TAB3: variants seen among roughly 807,000 people sequenced by gnomAD.
TAB3 encodes the protein TGF-beta activated kinase 1 (MAP3K7) binding protein 3, also known as TGF-beta-activated kinase 1 and MAP3K7-binding protein 3.
In TAB3, 18 loss-of-function variants were observed where a neutral mutation model predicts 48.1. That is an observed-to-expected ratio of 0.37 (90% CI 0.26 to 0.55). TAB3 has a LOEUF of 0.55. Among genes scored for constraint, TAB3 ranks in the 20% least tolerant of loss-of-function variants. The probability of loss-of-function intolerance (pLI) is 0.78; values close to 1 mark genes in which losing one functional copy is unlikely to be tolerated. For synonymous variants in TAB3, 185 were observed against 190.2 expected, an observed-to-expected ratio of 0.97 and a Z score of 0.22; for missense variants, 414 against 549.8, an observed-to-expected ratio of 0.75 and a Z score of 2.47.
Position 30,829,311 on chromosome X carries a change from T to C in TAB3, c.*2116A>G, listed in dbSNP as rs1201111458. The C allele has an allele frequency of 2.7e-5, 3 of 112,455 alleles. No individual in the cohort carries two copies. Among genetic ancestry groups the C allele is most frequent in the Non-Finnish European group, 5.6e-5 (3 of 53,253 alleles). 9.3% of individuals were successfully genotyped at this position (112,455 alleles called of 1,213,427 possible). Reference sequence around the variant, plus strand: ...TCTCAACTGACAACTGCCAAGTTAATTGCCTCCACTTCAGCATATCACTAT... The same window carrying C: ...TCTCAACTGACAACTGCCAAGTTAACTGCCTCCACTTCAGCATATCACTAT... On this transcript the variant is annotated 3_prime_UTR_variant, in exon 11 of 11. Transcript: ENST00000288422.
At chrX:30,841,491 AAAG>A (rs746950718) in intron 9 of TAB3, among the ~76,000 whole-genome samples, 6 of 108,376 alleles carry the variant, frequency 5.5e-5, no homozygotes, top group Admixed American at 2.0e-4. Flanking sequence ...TAAACAATAA[AAAG>A]AAGAACAGAT....
At chrX:30,835,543 C>G (rs1938173652) in intron 9 of TAB3, 1 of 111,678 alleles carries the variant, frequency 9.0e-6, no homozygotes, top group African/African-American at 3.3e-5. Context: ...TCGTGGGACA[C>G]CAAGGTCAGT....
chrX:30,846,225 T>A (rs750212743), intron 8 of TAB3: 12 of 349,281 alleles, frequency 3.4e-5, no homozygotes, highest in Non-Finnish European at 4.8e-5. Flanking sequence ...TAGATGTCTA[T>A]CACATAATAT....
At chrX:30,852,643 G>T in intron 7 of TAB3, 135 bp downstream of exon 7, 1 of 668,427 alleles carries the variant, frequency 1.5e-6, no homozygotes, top group Non-Finnish European at 2.1e-6. Context: ...TTCATCTGTT[G>T]TTTTTAAAAA....
At chrX:30,856,638 T>C (rs1939088425) in intron 5 of TAB3, among the ~76,000 whole-genome samples, 1 of 112,023 alleles carries the variant, frequency 8.9e-6, no homozygotes, top group Non-Finnish European at 1.9e-5. Context: ...GATATTACTA[T>C]ATATTTATTT....
chrX:30,850,032 C>A (rs1289786415), intron 7 of TAB3, among the ~76,000 whole-genome samples: 1 of 111,815 alleles, frequency 8.9e-6, no homozygotes, highest in African/African-American at 3.3e-5. Flanking sequence ...GAGTACTATA[C>A]CACACATTTT....
chrX:30,866,870 T>TAAA (rs77868699), intron 4 of TAB3, among the ~76,000 whole-genome samples: 4,989 of 74,595 alleles, frequency 0.067, 355 homozygotes, highest in East Asian at 0.42. Flanking sequence ...AAGGGGTGTT[T>TAAA]AAAAAAAAAA....
Position 30,842,717 on chromosome X carries a change from T to G in TAB3, c.1888+249A>C, listed in dbSNP as rs761867992. Among the ~76,000 whole-genome samples, 3 of 110,566 alleles carry G rather than the reference T, an allele frequency of 2.7e-5. No individual in the cohort carries two copies. The East Asian group carries it at 8.5e-4, about 31-fold the overall frequency. On this transcript the variant is annotated intron_variant, in intron 9 of 10. Coordinates refer to ENST00000288422, the MANE Select transcript of TAB3 (RefSeq NM_152787.5). ...GCCTACCATGCCACACACCAGCTAC[T>G]TGGGAGGCTGAGGCAGAAAGATCGC...
At position 30,855,396 on chromosome X, in the gene TAB3, G is replaced by A. The variant is rs772881059; in HGVS notation, c.269C>T (p.Ala90Val). 2 of 1,211,066 alleles carry A rather than the reference G, an allele frequency of 1.7e-6. No homozygotes were observed. Among genetic ancestry groups the A allele is most frequent in the Non-Finnish European group, 2.2e-6 (2 of 895,127 alleles). The change falls in exon 6 of 11, where the codon GCC becomes GTC. Residue 90 changes from alanine to valine, a missense_variant. Transcript: ENST00000288422. ...CAGTGTTCGACCACCATTAAGTTGGGCTCCATCTCCTGGGTGATAGCTACT... is the reference window on the plus strand; with the variant it reads ...CAGTGTTCGACCACCATTAAGTTGGACTCCATCTCCTGGGTGATAGCTACT... ...SPSSYHPGDG[A>V]QLNGGRTLVH...
chrX:30,844,519 C>A (rs1938560249), intron 8 of TAB3: 1 of 112,324 alleles, frequency 8.9e-6, no homozygotes, highest in African/African-American at 3.2e-5. Flanking sequence ...TTCTAGATCA[C>A]AAAAGGCTTA....
intron 7 of TAB3, among the ~76,000 whole-genome samples, chrX:30,849,250 A>G (rs1938747181): frequency 8.9e-6 from 1 of 112,335 alleles, no homozygotes; most frequent in Non-Finnish European, 1.9e-5. Flanking sequence ...TGCTTTGCAA[A>G]TAACAGATTA....
At chrX:30,836,178 CAGA>C (rs1358194982) in intron 9 of TAB3, 7 of 111,793 alleles carry the variant, frequency 6.3e-5, no homozygotes, top group East Asian at 2.8e-4. Flanking sequence ...TAAGTTTTAA[CAGA>C]AGAAGATAAA....
chrX:30,868,713 G>A (rs1438168712), intron 2 of TAB3, among the ~76,000 whole-genome samples: 4 of 98,947 alleles, frequency 4.0e-5, no homozygotes, highest in East Asian at 3.2e-4. Flanking sequence ...GAGATTATCC[G>A]CATTCTCAGT....
At chrX:30,868,659 T>G (rs1169281919) in intron 2 of TAB3, among the ~76,000 whole-genome samples, 2 of 86,728 alleles carry the variant, frequency 2.3e-5, no homozygotes, top group African/African-American at 8.5e-5. Context: ...AATTGTAACC[T>G]TATTCACTTA....
chrX:30,857,569 A>T, intron 5 of TAB3, among the ~76,000 whole-genome samples: 1 of 111,345 alleles, frequency 9.0e-6, no homozygotes, highest in Middle Eastern at 4.6e-3. Flanking sequence ...TGTTCTCTAC[A>T]CTGAGTTAGC....
chrX:30,845,879 C>T, intron 8 of TAB3: 1 of 711,377 alleles, frequency 1.4e-6, no homozygotes, highest in Non-Finnish European at 1.8e-6. Context: ...GGGACAGAAT[C>T]AACTCTTGGT....
intron 1 of TAB3, among the ~76,000 whole-genome samples, chrX:30,873,635 C>T (rs967531476): frequency 4.5e-5 from 5 of 111,667 alleles, no homozygotes; most frequent in African/African-American, 1.3e-4. Context: ...CCACCTCTTC[C>T]TCCACCTCCT....
intron 10 of TAB3, among the ~76,000 whole-genome samples, chrX:30,832,932 C>T (rs746330597): frequency 1.4e-4 from 15 of 109,327 alleles, no homozygotes; most frequent in Non-Finnish European, 2.7e-4. Context: ...ATAAAGCCTT[C>T]GGTTGGAGGA....
intron 1 of TAB3, among the ~76,000 whole-genome samples, chrX:30,887,912 G>A (rs1356835379): frequency 8.9e-6 from 1 of 111,981 alleles, no homozygotes; most frequent in Non-Finnish European, 1.9e-5. Flanking sequence ...AAGTGGGGGC[G>A]GGGGCTGTCC....
Sources: allele counts gnomAD v4.1 joint callset (sites outside exome capture counted in the v4.1 genomes callset), GRCh38; gene constraint gnomAD v4.1.1; transcripts MANE v1.5; gene names NCBI Gene and HGNC (gene_info 2026-07-23, HGNC 2026-07-21).